The following PTPRD variants were observed in gnomAD, a reference collection of about 807,000 sequenced individuals.
The protein encoded by PTPRD is receptor-type tyrosine-protein phosphatase delta.
A neutral mutation model predicts 214.5 loss-of-function variants in PTPRD; 34 were observed. The observed-to-expected ratio is 0.16, with a 90% CI of 0.12 to 0.21. The LOEUF is 0.21. Ranked by LOEUF, PTPRD falls within the 10% of genes least tolerant of loss-of-function variation. The pLI, the probability that PTPRD is intolerant of heterozygous loss-of-function variation, is 1.00. For synonymous variants in PTPRD, 1,128 were observed against 845.7 expected (o/e 1.33, Z -5.79); for missense variants, 2,545 against 2,398.7 (o/e 1.06, Z -1.27).
intron 14 of PTPRD, among the ~76,000 whole-genome samples, chr9:8,579,281 G>T (rs1396135019): frequency 6.6e-6 from 1 of 152,018 alleles, no homozygotes; most frequent in Non-Finnish European, 1.5e-5. Flanking sequence ...TTTTCTCTTG[G>T]ATCTAATGCT....
intron 3 of PTPRD, among the ~76,000 whole-genome samples, chr9:10,153,301 A>T (rs542960401): frequency 1.8e-4 from 27 of 151,740 alleles, no homozygotes; most frequent in Non-Finnish European, 3.5e-4. Flanking sequence ...ATTAAAAATA[A>T]ATTAAATATT....
intron 10 of PTPRD, among the ~76,000 whole-genome samples, chr9:9,077,499 T>A (rs968773821): frequency 1.3e-5 from 2 of 152,106 alleles, no homozygotes; most frequent in Non-Finnish European, 2.9e-5. Flanking sequence ...GGTTGGTTCA[T>A]CTGGATTAAA....
At chr9:9,368,440 G>A (rs1452926203) in intron 9 of PTPRD, among the ~76,000 whole-genome samples, 6 of 151,946 alleles carry the variant, frequency 3.9e-5, no homozygotes, top group Admixed American at 3.3e-4. Flanking sequence ...ACAACACTCT[G>A]AGAGATGTAA....
chr9:9,651,832 T>G (rs943201269), intron 7 of PTPRD, among the ~76,000 whole-genome samples: 1 of 127,708 alleles, frequency 7.8e-6, no homozygotes, highest in South Asian at 2.9e-4. Context: ...GTTTGTTTTT[T>G]TTTTTTTTTT....
At chr9:8,840,888 G>C (rs892948652) in intron 11 of PTPRD, among the ~76,000 whole-genome samples, 5 of 152,120 alleles carry the variant, frequency 3.3e-5, no homozygotes, top group Admixed American at 6.5e-5. Context: ...ATCTTCTACA[G>C]TGCATGTAAC....
chr9:9,943,330 T>C (rs1006077911), intron 4 of PTPRD, among the ~76,000 whole-genome samples: 5 of 152,056 alleles, frequency 3.3e-5, no homozygotes, highest in South Asian at 2.1e-4. Flanking sequence ...CCCTGTACAG[T>C]AGTCAGATTA....
intron 9 of PTPRD, among the ~76,000 whole-genome samples, chr9:9,346,941 C>T (rs2049045227): frequency 6.6e-6 from 1 of 152,094 alleles, no homozygotes; most frequent in Admixed American, 6.6e-5. Context: ...GATCCGCCCA[C>T]CTCGGCCTTC....
At position 10,596,397 on chromosome 9, in the gene PTPRD, C is replaced by T. The variant is rs80075879; in HGVS notation, c.-600+16001G>A. On this transcript the variant is annotated intron_variant, in intron 2 of 45. Coordinates refer to ENST00000381196, the MANE Select transcript of PTPRD (RefSeq NM_002839.4). ...TAACTTACTCCCATTTACTGAGCCC[C>T]TGTCATACAGAGACACTAGATTAAG... is the stretch of plus-strand genomic sequence containing the variant. Among the ~76,000 whole-genome samples, 563 of 151,772 alleles carry T rather than the reference C, an allele frequency of 3.7e-3. 3 individuals carry two copies. Among genetic ancestry groups the T allele is most frequent in the African/African-American group, 0.013 (548 of 41,496 alleles).
chr9:9,135,858 T>C (rs933863887), intron 10 of PTPRD, among the ~76,000 whole-genome samples: 3 of 152,084 alleles, frequency 2.0e-5, no homozygotes. Context: ...CAGTTTTCTG[T>C]CATCCCTCTT....
In PTPRD at chr9:8,869,362, G is replaced by A. The variant is rs890940361; in HGVS notation, c.-103-135416C>T. 2.6e-5 allele frequency among the ~76,000 whole-genome samples: 4 copies of A among 152,266 alleles called. No individual in the cohort carries two copies. In the East Asian group the frequency reaches 7.7e-4, roughly 29 times the overall value. ...TAATGCCTAACAAATAAGAGGTACA[G>A]TATCCACACTCTATTAGTTAAATGT... On this transcript the variant is annotated intron_variant, in intron 11 of 45. Coordinates refer to ENST00000381196, the MANE Select transcript of PTPRD (RefSeq NM_002839.4).
At chr9:9,433,864 T>C (rs938341744) in intron 8 of PTPRD, among the ~76,000 whole-genome samples, 5 of 152,182 alleles carry the variant, frequency 3.3e-5, no homozygotes, top group African/African-American at 9.7e-5. Context: ...TTGTATCTGA[T>C]AGAGACAGAT....
intron 3 of PTPRD, among the ~76,000 whole-genome samples, chr9:10,256,454 T>C (rs1226349847): frequency 1.3e-5 from 2 of 151,662 alleles, no homozygotes; most frequent in Non-Finnish European, 2.9e-5. Context: ...CAGTATACTA[T>C]ATAAAAAGTG....
At chr9:9,117,223 T>G (rs1370929473) in intron 10 of PTPRD, among the ~76,000 whole-genome samples, 4 of 150,572 alleles carry the variant, frequency 2.7e-5, no homozygotes, top group African/African-American at 2.5e-5. Context: ...AAATTAAGTT[T>G]TTTTTTTTTT....
intron 3 of PTPRD, among the ~76,000 whole-genome samples, chr9:10,297,564 C>T (rs956042515): frequency 6.9e-5 from 10 of 145,340 alleles, no homozygotes; most frequent in African/African-American, 2.7e-4. Flanking sequence ...GATGGCACAT[C>T]TCTGTAATGA....
chr9:10,424,914 T>A (rs925109926), intron 2 of PTPRD, among the ~76,000 whole-genome samples: 5 of 152,010 alleles, frequency 3.3e-5, no homozygotes, highest in African/African-American at 1.2e-4. Context: ...TGAATAGTCT[T>A]ACTCTCTCCA....
At chr9:8,656,272 C>T (rs1262225120) in intron 12 of PTPRD, among the ~76,000 whole-genome samples, 1 of 152,114 alleles carries the variant, frequency 6.6e-6, no homozygotes, top group African/African-American at 2.4e-5. Flanking sequence ...AATTTTACAA[C>T]CTTTTTGTGT....
At chr9:8,454,443 T>C in intron 33 of PTPRD, 1 of 776,292 alleles carries the variant, frequency 1.3e-6, no homozygotes, top group Non-Finnish European at 2.2e-6. Context: ...TGTGTATATG[T>C]AGGCTTTGCC....
chr9:10,596,844 G>A (rs1019377129), intron 2 of PTPRD, among the ~76,000 whole-genome samples: 1 of 151,540 alleles, frequency 6.6e-6, no homozygotes, highest in Non-Finnish European at 1.5e-5. Flanking sequence ...ATAGCATTTT[G>A]TTACACTGCA....
At chr9:10,564,536 C>G (rs1021070193) in intron 2 of PTPRD, among the ~76,000 whole-genome samples, 4 of 151,852 alleles carry the variant, frequency 2.6e-5, no homozygotes, top group African/African-American at 9.7e-5. Flanking sequence ...TGATTCTTTC[C>G]AAGGGCAGAT....
Sources: gnomAD v4.1 joint callset for allele counts (sites outside exome capture counted in the v4.1 genomes callset) on GRCh38, gnomAD v4.1.1 for gene constraint, MANE v1.5 for transcripts, NCBI Gene and HGNC (gene_info 2026-07-23, HGNC 2026-07-21) for gene names.